SSR2: variants seen among roughly 807,000 people sequenced by gnomAD.
The protein encoded by SSR2 is signal sequence receptor subunit 2, also known as translocon-associated protein subunit beta.
A neutral mutation model predicts 22.6 loss-of-function variants in SSR2; 16 were observed. That is an observed-to-expected ratio of 0.71 (90% confidence interval 0.48 to 1.08). SSR2 has a LOEUF of 1.08. Among genes scored for constraint, SSR2 ranks in the 50% least tolerant of loss-of-function variants. SSR2 has a pLI of 0.00. For missense variants in SSR2, 171 were observed against 221.6 expected (o/e 0.77, Z 1.45); for synonymous variants, 83 against 91.2 (o/e 0.91, Z 0.51).
intron 3 of SSR2, among the ~76,000 whole-genome samples, chr1:156,017,851 A>G (rs1683082649): frequency 7.3e-6 from 1 of 136,232 alleles, no homozygotes; most frequent in Non-Finnish European, 1.5e-5. Flanking sequence ...CCTGGGTTCA[A>G]GTGATTCTCC....
chr1:156,015,090 C>A, intron 3 of SSR2, 21 bp from the exon 4 acceptor site: 2 of 1,593,052 alleles, frequency 1.3e-6, no homozygotes, highest in Non-Finnish European at 1.7e-6. Context: ...AGTTAAGGAA[C>A]GGAAAGAGAT....
At chr1:156,017,413 G>A (rs1050856535) in intron 3 of SSR2, among the ~76,000 whole-genome samples, 7 of 152,042 alleles carry the variant, frequency 4.6e-5, no homozygotes, top group East Asian at 1.9e-4. Context: ...GCAGTGGCGC[G>A]ATCTCAGCTC....
chr1:156,009,651 C>T lies in SSR2; in HGVS notation c.442-1G>A. On this transcript the variant is annotated splice_acceptor_variant, in intron 5 of 5. Coordinates refer to ENST00000295702, the MANE Select transcript of SSR2 (RefSeq NM_003145.4). LOFTEE classifies it high-confidence loss of function. ...TGACCCCAAAGGCTGCCCAGTCCAGCTGTAAAGGAAAACAAAGACCTTGCT... is the reference window on the plus strand; with the variant it reads ...TGACCCCAAAGGCTGCCCAGTCCAGTTGTAAAGGAAAACAAAGACCTTGCT... 6.3e-7 allele frequency: 1 copy of T among 1,597,072 alleles called. No homozygotes were observed. The highest frequency in any genetic ancestry group is 8.5e-7 in the Non-Finnish European group (1 of 1,173,594).
At position 156,020,936 on chromosome 1, in the gene SSR2, C is replaced by T. The variant is rs1049608119; in HGVS notation, c.-49G>A. ...CGGAGCCACAAAGACAGGAAGAGAGCGTCAGCATCCGAAAGACCGGAAATA... is the reference window on the plus strand; with the variant it reads ...CGGAGCCACAAAGACAGGAAGAGAGTGTCAGCATCCGAAAGACCGGAAATA... On this transcript the variant is annotated 5_prime_UTR_variant, in exon 1 of 6. Coordinates refer to ENST00000295702, the MANE Select transcript of SSR2 (RefSeq NM_003145.4). 1.1e-5 allele frequency: 5 copies of T among 471,176 alleles called. No individual in the cohort carries two copies. Among genetic ancestry groups the T allele is most frequent in the African/African-American group, 1.0e-4 (5 of 50,078 alleles). The allele number at this position is 471,176 out of a possible 1,614,324, so 29.2% of individuals were successfully genotyped here. A position where few individuals can be genotyped will look rare whatever the true frequency, so the allele number is the denominator to read the frequency against.
At chr1:156,016,317 T>C (rs969470638) in intron 3 of SSR2, among the ~76,000 whole-genome samples, 1 of 151,870 alleles carries the variant, frequency 6.6e-6, no homozygotes, top group Non-Finnish European at 1.5e-5. Flanking sequence ...CACTGCAAGC[T>C]CCGCCTCCTG....
At chr1:156,010,559 T>C (rs1682965171) in intron 5 of SSR2, 1 of 152,160 alleles carries the variant, frequency 6.6e-6, no homozygotes, top group Admixed American at 6.6e-5. Context: ...AAGGTTCCTC[T>C]CTGACCAATC....
At position 156,014,969 on chromosome 1, in the gene SSR2, G is replaced by T. The variant is rs141953549; in HGVS notation, c.355C>A (p.Pro119Thr). 6.7e-5 allele frequency: 108 copies of T among 1,613,434 alleles called. No individual in the cohort carries two copies. The highest frequency in any genetic ancestry group is 4.8e-4 in the African/African-American group (36 of 74,882). Residue 119 changes from proline to threonine, a missense_variant, in exon 4 of 6, where the codon CCC becomes ACC. Pro to Thr is a conservative substitution (Grantham distance 38). Transcript: ENST00000295702. ...GGGTTTGGGCAACTCACCACAACGG[G>T]CCCATCCTCCTGGGCCAGGTAAGTA... is the stretch of plus-strand genomic sequence containing the variant. ...TITYLAQEDGPVVIGSTSAPG... is the reference protein window; with the variant it reads ...TITYLAQEDGTVVIGSTSAPG...
chr1:156,015,195 C>T (rs1409357770), intron 3 of SSR2, 126 bp from the exon 4 acceptor site: 25 of 716,446 alleles, frequency 3.5e-5, no homozygotes, highest in Middle Eastern at 3.6e-4. Flanking sequence ...CGGCAATATT[C>T]TGCAGGAATG....
chr1:156,015,454 C>T (rs1373330806), intron 3 of SSR2, among the ~76,000 whole-genome samples: 4 of 118,962 alleles, frequency 3.4e-5, no homozygotes, highest in Non-Finnish European at 4.8e-5. Flanking sequence ...TTGAGTGAGC[C>T]GAGATTGTGC....
chr1:156,009,231 G>A lies in SSR2; in HGVS notation c.*309C>T, dbSNP rs765853561. 3 of 296,046 alleles carry A rather than the reference G, an allele frequency of 1.0e-5. No individual in the cohort carries two copies. Among genetic ancestry groups the A allele is most frequent in the Non-Finnish European group, 1.3e-5 (2 of 158,344 alleles). The allele number at this position is 296,046 out of a possible 1,614,324, so 18.3% of individuals were successfully genotyped here. On this transcript the variant is annotated 3_prime_UTR_variant, in exon 6 of 6. Coordinates refer to ENST00000295702, the MANE Select transcript of SSR2 (RefSeq NM_003145.4). ...TCCAAAATGCCCCTCCTAGACCCCT[G>A]AGAGAATTCACGTTGCCAGCAATAA...
chr1:156,011,785 T>G lies in SSR2; in HGVS notation c.441+25A>C, dbSNP rs759939294. 1.9e-6 allele frequency: 3 copies of G among 1,599,682 alleles called. No individual in the cohort carries two copies. In the South Asian group the frequency reaches 3.3e-5, roughly 18 times the overall value. On this transcript the variant is annotated intron_variant, in intron 5 of 5. Transcript: ENST00000295702. ...GGGCATTCTCATACCAAGGAACTGA[T>G]GAGAGAGAACACTAGAAAGCTTACA...
chr1:156,010,977 T>C (rs2102720783), intron 5 of SSR2: 1 of 148,568 alleles, frequency 6.7e-6, no homozygotes, highest in Middle Eastern at 3.5e-3. Flanking sequence ...CCATTTACCT[T>C]TTTTTTTTTT....
rs553195344 is a variant in SSR2, at chr1:156,017,676, C to G, written c.254+594G>C. 7.0e-5 allele frequency among the ~76,000 whole-genome samples: 10 copies of G among 143,798 alleles called. No homozygotes were observed. The East Asian group carries it at 2.1e-3, about 31-fold the overall frequency. The allele number at this position is 143,798 out of a possible 152,430, so 94.3% of individuals were successfully genotyped here. On this transcript the variant is annotated intron_variant, in intron 3 of 5. Transcript: ENST00000295702. The stretch of plus-strand genomic sequence containing the variant: ...ATTTCTTTTAAAAGCACCTTAAATA[C>G]CTTTGTCCAGCCACAAACATCTTTA...
At chr1:156,010,237 TG>T (rs1682961380) in intron 5 of SSR2, 1 of 152,212 alleles carries the variant, frequency 6.6e-6, no homozygotes, top group South Asian at 2.1e-4. Context: ...TTTTATTTTT[TG>T]TAGAGGCAAA....
intron 4 of SSR2, chr1:156,012,468 T>C: frequency 2.2e-6 from 1 of 453,416 alleles, no homozygotes; most frequent in South Asian, 1.6e-5. Flanking sequence ...TGGAGCACAC[T>C]GCAAACAACT....
Position 156,020,110 on chromosome 1 carries a change from C to T in SSR2, c.58G>A (p.Gly20Arg), listed in dbSNP as rs1683125687. 6 of 1,614,170 alleles carry T rather than the reference C, an allele frequency of 3.7e-6. No homozygotes were observed. The highest frequency in any genetic ancestry group is 5.1e-6 in the Non-Finnish European group (6 of 1,180,030). Residue 20 changes from glycine (G) to arginine (R), a missense_variant, in exon 2 of 6, where the codon GGA becomes AGA. Gly to Arg is a moderately radical substitution (Grantham distance 125, BLOSUM62 -2). Coordinates refer to ENST00000295702, the MANE Select transcript of SSR2 (RefSeq NM_003145.4). ...ALFAVTQAEE[G>R]ARLLASKSLL... ...GATTTGGAAGCCAAAAGCCTGGCTC[C>T]TTCCTCTGCTTGAGTGACAGCAAAT...
At position 156,018,330 on chromosome 1, in the gene SSR2, G is replaced by A. The variant is rs531099272; in HGVS notation, c.194C>T (p.Pro65Leu). ...AGACACAATGCCAAAGTCTTCTGGA[G>A]GGAAGGAATCATCAGATAGTTCCAC... ...LDVELSDDSF[P>L]PEDFGIVSGM... is the part of the protein sequence containing the mutation. Residue 65 changes from proline (P) to leucine (L), a missense_variant, in exon 3 of 6, where the codon CCT (proline) becomes CTT (leucine). Pro to Leu is a moderately conservative substitution (Grantham distance 98). Transcript: ENST00000295702. The A allele has an allele frequency of 1.1e-5, 17 of 1,613,812 alleles. No homozygotes were observed. The Admixed American group carries it at 1.8e-4, about 17-fold the overall frequency.
chr1:156,019,246 A>G, intron 2 of SSR2: 1 of 454,506 alleles, frequency 2.2e-6, no homozygotes. Flanking sequence ...TCCTTGCCTC[A>G]ATTTTTCTTC....
intron 2 of SSR2, 138 bp from the exon 3 acceptor site, chr1:156,018,506 G>A (rs898620013): frequency 8.2e-5 from 43 of 523,922 alleles, no homozygotes; most frequent in African/African-American, 7.5e-4. Flanking sequence ...TCAGGAGTTC[G>A]AGACCAGCCT....
Sources: gnomAD v4.1 joint callset for allele counts (sites outside exome capture counted in the v4.1 genomes callset) on GRCh38, gnomAD v4.1.1 for gene constraint, MANE v1.5 for transcripts, NCBI Gene and HGNC (gene_info 2026-07-23, HGNC 2026-07-21) for gene names.